The following FNBP1 variants were observed in gnomAD, a reference collection of about 807,000 sequenced individuals.
FNBP1 encodes the protein formin binding protein 1, also known as formin-binding protein 1.
In FNBP1, 26 loss-of-function variants were observed where a neutral mutation model predicts 90.6. The observed-to-expected ratio is 0.29, with a 90% confidence interval of 0.21 to 0.40. FNBP1 has a LOEUF of 0.40. FNBP1 is among the 10% of genes least tolerant of loss of function. FNBP1 has a pLI of 1.00. For synonymous variants in FNBP1, 260 were observed against 265.2 expected (o/e 0.98, Z 0.19); for missense variants, 635 against 768.0 (o/e 0.83, Z 2.05).
intron 1 of FNBP1, among the ~76,000 whole-genome samples, chr9:130,010,898 G>C (rs1184370256): frequency 6.6e-6 from 1 of 151,498 alleles, no homozygotes; most frequent in Non-Finnish European, 1.5e-5. Flanking sequence ...GAGCACTCTA[G>C]GCTAAAAGAG....
rs149664033 is a variant in FNBP1 at position 129,987,901 on chromosome 9, C to A, written c.140+6942G>T. The stretch of plus-strand genomic sequence containing the variant: ...CATTTCTTTATATATATGATATATA[C>A]GATATGCAATTTGTTGTATAATATG... On this transcript the variant is annotated intron_variant, in intron 2 of 16. Transcript: ENST00000446176. Among the ~76,000 whole-genome samples, 5 of 151,840 alleles carry A rather than the reference C, an allele frequency of 3.3e-5. No individual in the cohort carries two copies. In the East Asian group the frequency reaches 7.8e-4, roughly 24 times the overall value.
chr9:129,958,170 G>A (rs776570121), intron 5 of FNBP1, among the ~76,000 whole-genome samples: 1 of 151,994 alleles, frequency 6.6e-6, no homozygotes, highest in Admixed American at 6.5e-5. Flanking sequence ...AGTGGCTCAC[G>A]CCTGTAATCC....
At chr9:129,986,839 A>C (rs1001948913) in intron 2 of FNBP1, among the ~76,000 whole-genome samples, 1 of 151,996 alleles carries the variant, frequency 6.6e-6, no homozygotes, top group African/African-American at 2.4e-5. Flanking sequence ...ATAAGATGAA[A>C]CATAAGGATA....
At chr9:130,022,556 T>C (rs1327091289) in intron 1 of FNBP1, among the ~76,000 whole-genome samples, 3 of 152,240 alleles carry the variant, frequency 2.0e-5, no homozygotes, top group Admixed American at 1.3e-4. Context: ...AGGCATATTT[T>C]ACATAGTTAC....
chr9:129,979,416 G>A (rs1335152861), intron 2 of FNBP1, 42 bp from the exon 3 acceptor site: 1 of 1,384,418 alleles, frequency 7.2e-7, no homozygotes, highest in Admixed American at 1.9e-5. Flanking sequence ...TATAGAAAGA[G>A]AATTAAGAAA....
At chr9:130,030,711 C>G (rs762282568) in intron 1 of FNBP1, among the ~76,000 whole-genome samples, 21 of 152,158 alleles carry the variant, frequency 1.4e-4, no homozygotes, top group South Asian at 1.2e-3. Context: ...CGAGAACGTA[C>G]GGATCAGCCA....
At chr9:130,020,754 T>G (rs2057749457) in intron 1 of FNBP1, among the ~76,000 whole-genome samples, 1 of 152,222 alleles carries the variant, frequency 6.6e-6, no homozygotes, top group Non-Finnish European at 1.5e-5. Flanking sequence ...GTGCTCTGAA[T>G]GCCTTAACAG....
At chr9:129,926,891 GAA>G in intron 8 of FNBP1, among the ~76,000 whole-genome samples, 1 of 88,590 alleles carries the variant, frequency 1.1e-5, no homozygotes, top group Admixed American at 1.2e-4. Flanking sequence ...ATCTCAAAAA[GAA>G]AAAAAAAAAA....
At chr9:130,043,539 C>A (rs1449371213), upstream of FNBP1, among the ~76,000 whole-genome samples, 1 of 152,232 alleles carries the variant, frequency 6.6e-6, no homozygotes, top group Non-Finnish European at 1.5e-5. Context: ...CGCGTATCGC[C>A]GCTCTGGATT....
chr9:129,993,631 T>C (rs2053550193), intron 2 of FNBP1, among the ~76,000 whole-genome samples: 1 of 148,024 alleles, frequency 6.8e-6, no homozygotes, highest in Admixed American at 6.7e-5. Context: ...GCACTTTTTT[T>C]TTTTTTTTTT....
At chr9:130,034,427 G>C (rs929448195) in intron 1 of FNBP1, among the ~76,000 whole-genome samples, 4 of 152,014 alleles carry the variant, frequency 2.6e-5, no homozygotes, top group African/African-American at 9.7e-5. Flanking sequence ...AGGCTGCAGC[G>C]AGCCATGTTT....
chr9:129,909,565 A>C (rs974791219), intron 11 of FNBP1, among the ~76,000 whole-genome samples: 1 of 152,066 alleles, frequency 6.6e-6, no homozygotes, highest in African/African-American at 2.4e-5. Context: ...CATTAAAAAA[A>C]AAAAATCTCT....
At chr9:130,043,857 G>T (rs2060021172), upstream of FNBP1, among the ~76,000 whole-genome samples, 1 of 152,232 alleles carries the variant, frequency 6.6e-6, no homozygotes, top group Non-Finnish European at 1.5e-5. Flanking sequence ...AAAAGCAAAG[G>T]CGTGGGGTAC....
At chr9:129,912,086 C>A (rs973191508) in intron 11 of FNBP1, among the ~76,000 whole-genome samples, 3 of 152,074 alleles carry the variant, frequency 2.0e-5, no homozygotes, top group African/African-American at 7.2e-5. Flanking sequence ...CCTGGACTTG[C>A]GACTGGTGGG....
chr9:130,039,026 T>C (rs1157069247), intron 1 of FNBP1, among the ~76,000 whole-genome samples: 1 of 152,218 alleles, frequency 6.6e-6, no homozygotes, highest in African/African-American at 2.4e-5. Context: ...TAAGCAACTC[T>C]TGCTTTGCCA....
At chr9:129,912,303 G>C (rs938047994) in intron 11 of FNBP1, among the ~76,000 whole-genome samples, 5 of 152,138 alleles carry the variant, frequency 3.3e-5, no homozygotes, top group African/African-American at 1.2e-4. Flanking sequence ...AACGGTTTGA[G>C]TTTTATCAAA....
chr9:130,009,193 A>G (rs1017329733), intron 1 of FNBP1, among the ~76,000 whole-genome samples: 2 of 152,076 alleles, frequency 1.3e-5, no homozygotes, highest in Non-Finnish European at 2.9e-5. Context: ...TTCCACTAAA[A>G]CGCTTGCCAA....
upstream of FNBP1, among the ~76,000 whole-genome samples, chr9:130,045,867 A>T (rs1401534501): frequency 6.6e-6 from 1 of 152,182 alleles, no homozygotes; most frequent in Non-Finnish European, 1.5e-5. Context: ...TCAGAGCAGG[A>T]GGAAGTGATT....
intron 6 of FNBP1, among the ~76,000 whole-genome samples, chr9:129,951,236 C>A (rs535621928): frequency 6.6e-6 from 1 of 151,786 alleles, no homozygotes; most frequent in African/African-American, 2.4e-5. Context: ...GCATCACATG[C>A]GTGAGCCACC....
Sources: allele counts gnomAD v4.1 joint callset (sites outside exome capture counted in the v4.1 genomes callset), GRCh38; gene constraint gnomAD v4.1.1; transcripts MANE v1.5; gene names NCBI Gene and HGNC (gene_info 2026-07-23, HGNC 2026-07-21).